Variants in UNC13D observed in about 807,000 individuals in gnomAD.
The protein encoded by UNC13D is unc-13 homolog D, also known as protein unc-13 homolog D.
UNC13D carries 115 observed loss-of-function variants against 151.7 expected under a neutral mutation model. The ratio of observed to expected loss-of-function variants is 0.76; its 90% CI spans 0.65 to 0.88. The LOEUF (loss-of-function observed/expected upper bound fraction) is 0.88. Among genes scored for constraint, UNC13D ranks in the 40% least tolerant of loss-of-function variants. The probability of loss-of-function intolerance (pLI) is 0.00; values close to 1 mark genes in which losing one functional copy is unlikely to be tolerated. For missense variants in UNC13D, 1,369 were observed against 1,438.7 expected (o/e 0.95, Z 0.78); for synonymous variants, 588 against 612.2 (o/e 0.96, Z 0.58).
rs778403476 is a variant in UNC13D at position 75,840,528 on chromosome 17, C to T, written c.732G>A (p.Gly244=). The T allele has an allele frequency of 6.2e-7, 1 of 1,613,968 alleles. No individual in the cohort carries two copies. Among genetic ancestry groups the T allele is most frequent in the African/African-American group, 1.3e-5 (1 of 75,030 alleles). Residue 244 remains glycine, a synonymous_variant, in exon 9 of 32, where the codon GGG becomes GGA. Coordinates refer to ENST00000207549, the MANE Select transcript of UNC13D (RefSeq NM_199242.3). This position sits in a 1 kb window ranked among gnomAD's most constrained non-coding sequence, Gnocchi z 4.6. ...TCACCTGCAGCCTCAGAACCACGTT[C>T]CCCAGAAAGTCGTCCTGGCCTTTGT... ...RKDKGQDDFL[G]NVVLRLQDLR...
At position 75,836,816 on chromosome 17, in the gene UNC13D, C is replaced by T. The variant is rs947375456; in HGVS notation, c.1158G>A (p.Arg386=). 6.2e-7 allele frequency: 1 copy of T among 1,613,952 alleles called. No individual in the cohort carries two copies. ...GCATGCCTACCTGTTCTGCCTTGAGCCGACCCTGGATCCACTGGTACTCGA... is the reference window on the plus strand; with the variant it reads ...GCATGCCTACCTGTTCTGCCTTGAGTCGACCCTGGATCCACTGGTACTCGA... ...TSIEYQWIQG[R]LKAEQQEELA... The change falls in exon 13 of 32, where the codon CGG becomes CGA. Residue 386 remains arginine, a synonymous_variant. Coordinates refer to ENST00000207549, the MANE Select transcript of UNC13D (RefSeq NM_199242.3).
chr17:75,830,431 G>T lies in UNC13D; in HGVS notation c.2761C>A (p.Arg921Ser). 3.2e-6 allele frequency: 5 copies of T among 1,585,732 alleles called. No homozygotes were observed. The highest frequency in any genetic ancestry group is 3.4e-6 in the Non-Finnish European group (4 of 1,167,202). The change falls in exon 29 of 32, where the codon CGC (arginine) becomes AGC (serine). Residue 921 changes from arginine to serine, a missense_variant. Arg to Ser is a moderately radical substitution (Grantham distance 110). Coordinates refer to ENST00000207549, the MANE Select transcript of UNC13D (RefSeq NM_199242.3). ...LGAVTVKASYRASEQKLRVEL... is the reference protein window; with the variant it reads ...LGAVTVKASYSASEQKLRVEL... ...ACACGCAGCTTCTGCTCAGAGGCGC[G>T]GTAGGAGGCCTTGACTGTCACAGCC...
chr17:75,828,804 G>T lies in UNC13D; in HGVS notation c.3134C>A (p.Thr1045Lys). 6.4e-7 allele frequency: 1 copy of T among 1,554,470 alleles called. No homozygotes were observed. ...AGGCCTACCGTTGGGTGCGGGGTAC[G>T]TGAGGGGCAGGCGGGTCTGAGGCAC... is the stretch of plus-strand genomic sequence containing the variant. ...GEVPQTRLPL[T>K]YPAPNGDPIL... The change falls in exon 31 of 32, where the codon ACG becomes AAG. Residue 1045 changes from threonine (T) to lysine (K), a missense_variant. Coordinates refer to ENST00000207549, the MANE Select transcript of UNC13D (RefSeq NM_199242.3).
At position 75,840,183 on chromosome 17, in the gene UNC13D, C is replaced by T. The variant is rs750161516; in HGVS notation, c.858+42G>A. 1.2e-5 allele frequency: 20 copies of T among 1,612,598 alleles called. No individual in the cohort carries two copies. Among genetic ancestry groups the T allele is most frequent in the Middle Eastern group, 1.6e-4 (1 of 6,080 alleles). Reference sequence around the variant, plus strand: ...CCAGCCCCGCAACCCAGCAGACCGCCGCAAGAGCTGGGCATGGCCACTGGC... The same window carrying T: ...CCAGCCCCGCAACCCAGCAGACCGCTGCAAGAGCTGGGCATGGCCACTGGC... On this transcript the variant is annotated intron_variant, in intron 10 of 31. Coordinates refer to ENST00000207549, the MANE Select transcript of UNC13D (RefSeq NM_199242.3). This position sits in a 1 kb window ranked among gnomAD's most constrained non-coding sequence, Gnocchi z 4.6.
At chr17:75,836,291 G>A (rs774291335) in intron 15 of UNC13D, 35 bp from the exon 16 acceptor site, 26 of 1,612,912 alleles carry the variant, frequency 1.6e-5, no homozygotes, top group Non-Finnish European at 2.0e-5. Context: ...GGGAGGGACT[G>A]CCAGGCCCAG....
Position 75,840,580 on chromosome 17 carries a change from C to A in UNC13D, c.684-4G>T, listed in dbSNP as rs774605826. 1 of 1,613,962 alleles carries A rather than the reference C, an allele frequency of 6.2e-7. No homozygotes were observed. Among genetic ancestry groups the A allele is most frequent in the Admixed American group, 1.7e-5 (1 of 59,988 alleles). On this transcript the variant is annotated splice_polypyrimidine_tract_variant and splice_region_variant and intron_variant, in intron 8 of 31. Transcript: ENST00000207549. This position sits in a 1 kb window ranked among gnomAD's most constrained non-coding sequence, Gnocchi z 4.6. ...CTTCCGGGCCTCTTTAAAGATCCTG[C>A]GTCAGGCAGGGTCCCATAAGGGGGA...
In UNC13D at chr17:75,833,096, C is replaced by T. The variant is rs1184982256; in HGVS notation, c.2368-51G>A. On this transcript the variant is annotated intron_variant, in intron 24 of 31. Transcript: ENST00000207549. The surrounding 1 kb of genome is among the most constrained non-coding windows in gnomAD (Gnocchi z 4.0). Reference sequence around the variant, plus strand: ...GTGGCTCCGGCCCATGTTGGCCCCACCCCCATCCCCTTCCCCTGACCTGGA... The same window carrying T: ...GTGGCTCCGGCCCATGTTGGCCCCATCCCCATCCCCTTCCCCTGACCTGGA... 1.3e-6 allele frequency: 2 copies of T among 1,530,730 alleles called. No homozygotes were observed. Among genetic ancestry groups the T allele is most frequent in the Non-Finnish European group, 1.8e-6 (2 of 1,125,820 alleles). 94.8% of individuals were successfully genotyped at this position (1,530,730 alleles called of 1,614,324 possible).
At position 75,843,659 on chromosome 17, in the gene UNC13D, G is replaced by A. The variant is rs9903850; in HGVS notation, c.118-140C>T. On this transcript the variant is annotated intron_variant, in intron 1 of 31. Coordinates refer to ENST00000207549, the MANE Select transcript of UNC13D (RefSeq NM_199242.3). ...CGGCCTCCAGCCCCAGTGATGCCCCGCACCTGTTCCCCCAGCAGGCCTCCT... is the reference window on the plus strand; with the variant it reads ...CGGCCTCCAGCCCCAGTGATGCCCCACACCTGTTCCCCCAGCAGGCCTCCT... The A allele has an allele frequency of 6.2e-3, 9,216 of 1,497,064 alleles. 310 individuals carry two copies. The African/African-American group carries it at 0.084, about 14-fold the overall frequency. The allele number at this position is 1,497,064 out of a possible 1,614,324, so 92.7% of individuals were successfully genotyped here.
Position 75,834,917 on chromosome 17 carries a change from C to T in UNC13D, c.1992+3G>A. ...GGGGAAGGACACGTGGAAGATGCCG[C>T]ACCTCCACAAACTTGACGGTAATCA... On this transcript the variant is annotated splice_donor_region_variant and intron_variant, in intron 21 of 31. Transcript: ENST00000207549. The T allele has an allele frequency of 6.2e-7, 1 of 1,613,956 alleles. No homozygotes were observed. Among genetic ancestry groups the T allele is most frequent in the Non-Finnish European group, 8.5e-7 (1 of 1,180,016 alleles).
chr17:75,844,110 G>T, intron 1 of UNC13D, 111 bp downstream of exon 1: 5 of 1,519,332 alleles, frequency 3.3e-6, no homozygotes, highest in Non-Finnish European at 4.5e-6. Flanking sequence ...GGGGAGGGTC[G>T]CTGGTCCCCA....
At position 75,827,349 on chromosome 17, in the gene UNC13D, CGTCT is replaced by C. The variant is rs1384185065; in HGVS notation, c.*612_*615del. The C allele has an allele frequency of 2.6e-6, 3 of 1,135,866 alleles. No individual in the cohort carries two copies. The highest frequency in any genetic ancestry group is 3.1e-5 in the African/African-American group (2 of 63,982). 70.4% of individuals were successfully genotyped at this position (1,135,866 alleles called of 1,614,324 possible). A position where few individuals can be genotyped will look rare whatever the true frequency, so the allele number is the denominator to read the frequency against. On this transcript the variant is annotated 3_prime_UTR_variant, in exon 32 of 32. Transcript: ENST00000207549. ...GCAGCCAAACTGTCCTTTCTGCTTC[CGTCT>C]GTCTGTGCCAGCCCTGCCGCCTGCC...
At position 75,840,812 on chromosome 17, in the gene UNC13D, C is replaced by A; in HGVS notation, c.633G>T (p.Glu211Asp). The change falls in exon 8 of 32, where the codon GAG becomes GAT. Residue 211 changes from glutamate (E) to aspartate (D), a missense_variant. By Grantham distance (45) the Glu-to-Asp change is conservative. Around this residue, in one of 3 missense-constraint regions of UNC13D, gnomAD observed 550 missense variants for 609.0 expected, o/e 0.90. Coordinates refer to ENST00000207549, the MANE Select transcript of UNC13D (RefSeq NM_199242.3). The surrounding 1 kb of genome is among the most constrained non-coding windows in gnomAD (Gnocchi z 4.6). ...HLDMWDLDTV[E>D]SVRQKLGELT... The stretch of plus-strand genomic sequence containing the variant: ...GCTCCCCAAGCTTCTGTCGGACAGA[C>A]TCCACAGTGTCCAGGTCCCTGGCAG... The A allele has an allele frequency of 6.2e-7, 1 of 1,614,032 alleles. No individual in the cohort carries two copies. Among genetic ancestry groups the A allele is most frequent in the Non-Finnish European group, 8.5e-7 (1 of 1,180,022 alleles).
At position 75,829,001 on chromosome 17, in the gene UNC13D, G is replaced by C; in HGVS notation, c.2955-18C>G. Reference sequence around the variant, plus strand: ...GCACCAGGCTGCGGGGAGAGTCAGGGCTCTGCTGCCAGCCCCAGCACAGCC... The same window carrying C: ...GCACCAGGCTGCGGGGAGAGTCAGGCCTCTGCTGCCAGCCCCAGCACAGCC... On this transcript the variant is annotated intron_variant, in intron 30 of 31. Coordinates refer to ENST00000207549, the MANE Select transcript of UNC13D (RefSeq NM_199242.3). 6.3e-7 allele frequency: 1 copy of C among 1,598,736 alleles called. No homozygotes were observed. The highest frequency in any genetic ancestry group is 1.1e-5 in the South Asian group (1 of 90,588).
chr17:75,843,389 C>A, intron 2 of UNC13D, 95 bp downstream of exon 2: 1 of 1,567,136 alleles, frequency 6.4e-7, no homozygotes. Context: ...AGTCCCCTCC[C>A]CACCGCAAGT....
At position 75,835,780 on chromosome 17, in the gene UNC13D, G is replaced by T. The variant is rs769216972; in HGVS notation, c.1597-3C>A. 1 of 1,613,972 alleles carries T rather than the reference G, an allele frequency of 6.2e-7. No homozygotes were observed. Among genetic ancestry groups the T allele is most frequent in the East Asian group, 2.2e-5 (1 of 44,878 alleles). On this transcript the variant is annotated splice_polypyrimidine_tract_variant and splice_region_variant and intron_variant, in intron 18 of 31. Coordinates refer to ENST00000207549, the MANE Select transcript of UNC13D (RefSeq NM_199242.3). The stretch of plus-strand genomic sequence containing the variant: ...TGGTCCTGCACCCGCTTGGCCACCT[G>T]CAAAGGAAAGGTGTGGAGGGCGGGG...
chr17:75,830,789 A>G (rs766188689), intron 27 of UNC13D, 128 bp from the exon 28 acceptor site: 76 of 1,223,904 alleles, frequency 6.2e-5, no homozygotes, highest in Non-Finnish European at 8.6e-5. Flanking sequence ...GTCATGGGAC[A>G]ACGGGCTGGG....
chr17:75,836,455 A>G, intron 14 of UNC13D, 26 bp from the exon 15 acceptor site: 2 of 1,612,040 alleles, frequency 1.2e-6, no homozygotes, highest in Non-Finnish European at 1.7e-6. Context: ...AGCTGTGTCG[A>G]AAGTGCCTGC....
At chr17:75,843,696 C>G (rs111777203) in intron 1 of UNC13D, 177 bp from the exon 2 acceptor site, 95,160 of 1,458,226 alleles carry the variant, frequency 0.065, 3,436 homozygotes, top group South Asian at 0.098. Context: ...GAGGTCCGTC[C>G]CTGGGCCCGC....
At chr17:75,838,514 C>T (rs904268442) in intron 12 of UNC13D, among the ~76,000 whole-genome samples, 11 of 152,080 alleles carry the variant, frequency 7.2e-5, no homozygotes, top group African/African-American at 2.4e-4. Flanking sequence ...CCACCGTGCC[C>T]GGCCGGCTAT....
Sources: gnomAD v4.1 joint callset for allele counts (sites outside exome capture counted in the v4.1 genomes callset) on GRCh38, gnomAD v4.1.1 for gene constraint, gnomAD v4.1.1 regional missense constraint, Gnocchi (gnomAD v3.1) non-coding constraint, MANE v1.5 for transcripts, NCBI Gene and HGNC (gene_info 2026-07-23, HGNC 2026-07-21) for gene names.